The following CSMD1 variants were observed in gnomAD, a reference collection of about 807,000 sequenced individuals.
The protein encoded by CSMD1 is CUB and sushi domain-containing protein 1.
Under a neutral mutation model 417.5 loss-of-function variants are expected in CSMD1, and 213 were observed. The ratio of observed to expected loss-of-function variants is 0.51; its 90% CI spans 0.46 to 0.57. CSMD1 has a LOEUF of 0.57. CSMD1 is among the 20% of genes least tolerant of loss of function. The pLI is 0.00. For synonymous variants in CSMD1, 2,862 were observed against 1,736.8 expected (o/e 1.65, Z -16.11); for missense variants, 6,923 against 4,529.7 (o/e 1.53, Z -15.17).
intron 1 of CSMD1, among the ~76,000 whole-genome samples, chr8:4,755,605 A>G (rs923173828): frequency 1.9e-4 from 29 of 152,250 alleles, no homozygotes; most frequent in Non-Finnish European, 2.5e-4. Flanking sequence ...TATCAGATGG[A>G]AAGTTACTTT....
At chr8:3,789,389 T>C (rs1585000830) in intron 5 of CSMD1, among the ~76,000 whole-genome samples, 2 of 48,404 alleles carry the variant, frequency 4.1e-5, no homozygotes, top group East Asian at 2.5e-3. Flanking sequence ...TTTTAAGTAG[T>C]GTTTTTTTTT....
At chr8:4,402,397 G>A (rs1320520902) in intron 3 of CSMD1, among the ~76,000 whole-genome samples, 2 of 151,762 alleles carry the variant, frequency 1.3e-5, no homozygotes, top group South Asian at 2.1e-4. Context: ...TGACCTCTCC[G>A]CTAGCCTTAT....
At chr8:4,649,338 G>A (rs571251669) in intron 1 of CSMD1, among the ~76,000 whole-genome samples, 7 of 152,156 alleles carry the variant, frequency 4.6e-5, no homozygotes, top group Admixed American at 3.9e-4. Flanking sequence ...CATTGACAGA[G>A]TACCTATTAT....
intron 25 of CSMD1, among the ~76,000 whole-genome samples, chr8:3,300,726 G>A (rs1025954422): frequency 6.6e-6 from 1 of 152,064 alleles, no homozygotes; most frequent in Non-Finnish European, 1.5e-5. Context: ...GGAGGACGAG[G>A]CGGGCAGATC....
At chr8:3,161,321 T>C (rs1431800878) in intron 38 of CSMD1, among the ~76,000 whole-genome samples, 1 of 152,044 alleles carries the variant, frequency 6.6e-6, no homozygotes, top group African/African-American at 2.4e-5. Context: ...AAAACTTTTA[T>C]ATAAAAAACT....
At chr8:4,267,863 T>C (rs1293888591) in intron 3 of CSMD1, among the ~76,000 whole-genome samples, 1 of 152,144 alleles carries the variant, frequency 6.6e-6, no homozygotes, top group African/African-American at 2.4e-5. Context: ...GTCATAGCCA[T>C]ATACTTGTGA....
chr8:4,014,059 G>A (rs1472784752), intron 4 of CSMD1, among the ~76,000 whole-genome samples: 2 of 152,046 alleles, frequency 1.3e-5, no homozygotes, highest in African/African-American at 4.8e-5. Context: ...GAAATCAAAG[G>A]CAATAAAAAC....
rs528121243 is a variant in CSMD1 at position 3,592,932 on chromosome 8, G to A, written c.1098-6672C>T. 2.0e-5 allele frequency among the ~76,000 whole-genome samples: 3 copies of A among 152,110 alleles called. No homozygotes were observed. In the South Asian group the frequency reaches 6.4e-4, roughly 33 times the overall value. ...TCAAAGCCCACAGTGTGGAATCGAT[G>A]AGTTGCCCAAACAGCAAAGGTGGTG... On this transcript the variant is annotated intron_variant, in intron 8 of 69. Transcript: ENST00000635120.
intron 7 of CSMD1, among the ~76,000 whole-genome samples, chr8:3,644,468 T>G (rs747704468): frequency 1.3e-5 from 2 of 152,176 alleles, no homozygotes; most frequent in Admixed American, 1.3e-4. Context: ...CAACTCTATG[T>G]GCTCCTTGGA....
At chr8:3,516,685 G>C (rs1350381335) in intron 10 of CSMD1, among the ~76,000 whole-genome samples, 2 of 152,054 alleles carry the variant, frequency 1.3e-5, no homozygotes, top group African/African-American at 2.4e-5. Flanking sequence ...GGTGGTATTT[G>C]GTTACATGAG....
intron 4 of CSMD1, among the ~76,000 whole-genome samples, chr8:4,025,981 G>A (rs1401397746): frequency 6.7e-6 from 1 of 149,896 alleles, no homozygotes; most frequent in Non-Finnish European, 1.5e-5. Flanking sequence ...ATTGTAGAAG[G>A]AGACAGTCAT....
chr8:3,428,347 C>T (rs1813989779), intron 12 of CSMD1, among the ~76,000 whole-genome samples: 1 of 152,172 alleles, frequency 6.6e-6, no homozygotes, highest in Non-Finnish European at 1.5e-5. Flanking sequence ...AAGCATAACT[C>T]TTGCAGCTTA....
chr8:4,360,643 A>T (rs1037639877), intron 3 of CSMD1, among the ~76,000 whole-genome samples: 3 of 151,304 alleles, frequency 2.0e-5, no homozygotes, highest in Non-Finnish European at 2.9e-5. Flanking sequence ...GCTGCCCGCC[A>T]CCACACCTGG....
At chr8:3,305,018 T>TTCAAAGTTAAGGACTAATA (rs1180613735) in intron 25 of CSMD1, among the ~76,000 whole-genome samples, 3 of 152,202 alleles carry the variant, frequency 2.0e-5, no homozygotes, top group Admixed American at 1.3e-4. Context: ...CATTTGTGAA[T>TTCAAAGTTAAGGACTAATA]TCAAAGTTAA....
chr8:3,671,560 CATATATATATATATATATATATA>C, intron 7 of CSMD1, among the ~76,000 whole-genome samples: 1 of 6,528 alleles, frequency 1.5e-4, no homozygotes, highest in African/African-American at 5.0e-4. Context: ...TATATATGAT[CATATATATATATATATATATATA>C]TATATATATA....
intron 3 of CSMD1, among the ~76,000 whole-genome samples, chr8:4,094,033 T>C (rs1196241505): frequency 2.0e-5 from 3 of 150,222 alleles, no homozygotes; most frequent in Non-Finnish European, 3.0e-5. Context: ...ACAAAGAAAA[T>C]CAATAGAATG....
intron 68 of CSMD1, among the ~76,000 whole-genome samples, chr8:2,945,783 T>A (rs1802191010): frequency 6.6e-6 from 1 of 152,172 alleles, no homozygotes; most frequent in African/African-American, 2.4e-5. Context: ...CCTTGGCTGT[T>A]GCAACCACAA....
intron 1 of CSMD1, among the ~76,000 whole-genome samples, chr8:4,670,226 T>C (rs777296866): frequency 6.6e-6 from 1 of 152,162 alleles, no homozygotes; most frequent in African/African-American, 2.4e-5. Flanking sequence ...CTCATGTTCT[T>C]TGTGTGGATA....
chr8:4,298,724 C>G (rs996062548), intron 3 of CSMD1, among the ~76,000 whole-genome samples: 3 of 151,966 alleles, frequency 2.0e-5, no homozygotes, highest in African/African-American at 7.2e-5. Context: ...GTATTTTCTT[C>G]CAACTAGATG....
Sources: allele counts gnomAD v4.1 joint callset (sites outside exome capture counted in the v4.1 genomes callset), GRCh38; gene constraint gnomAD v4.1.1; transcripts MANE v1.5; gene names NCBI Gene and HGNC (gene_info 2026-07-23, HGNC 2026-07-21).